RFPL3: variants seen among roughly 807,000 people sequenced by gnomAD.
The protein encoded by RFPL3 is ret finger protein like 3.
In RFPL3, 8 loss-of-function variants were observed where a neutral mutation model predicts 8.7. The observed-to-expected ratio is 0.92, with a 90% CI of 0.54 to 1.66. The LOEUF is 1.66. Among genes scored for constraint, RFPL3 ranks in the 40% most tolerant of loss-of-function variants. RFPL3 has a pLI of 0.00. For missense variants in RFPL3, 341 were observed against 395.0 expected, an observed-to-expected ratio of 0.86 and a Z score of 1.16; for synonymous variants, 145 against 150.5, an observed-to-expected ratio of 0.96 and a Z score of 0.27.
At chr22:32,357,824 G>A (rs1447248134), upstream of RFPL3, 301 of 1,378,674 alleles carry the variant, frequency 2.2e-4, 2 homozygotes, top group Admixed American at 2.7e-3. Flanking sequence ...TCCCCTAGGA[G>A]GTGGTGAAAT....
upstream of RFPL3, among the ~76,000 whole-genome samples, chr22:32,355,154 C>A (rs1932622938): frequency 6.6e-6 from 1 of 151,400 alleles, no homozygotes; most frequent in African/African-American, 2.4e-5. Flanking sequence ...AGGAAAACCT[C>A]TAGGCCTACT....
At chr22:32,355,205 A>G (rs1601403727), upstream of RFPL3, among the ~76,000 whole-genome samples, 3 of 152,234 alleles carry the variant, frequency 2.0e-5, no homozygotes, top group South Asian at 4.1e-4. Context: ...GGTTGTCCTA[A>G]GACTTGCTCT....
At chr22:32,355,101 T>C (rs1431029420), upstream of RFPL3, among the ~76,000 whole-genome samples, 2 of 151,918 alleles carry the variant, frequency 1.3e-5, no homozygotes, top group African/African-American at 4.8e-5. Flanking sequence ...TATATGAGAA[T>C]TTATGCAAAT....
rs563174542 is a variant in RFPL3, at chr22:32,359,732, C to G, written c.374-520C>G. Among the ~76,000 whole-genome samples the G allele has an allele frequency of 7.4e-4, 112 of 152,178 alleles. 2 individuals are homozygous for G. The highest frequency in any genetic ancestry group is 2.4e-4 in the Non-Finnish European group (16 of 68,032). ...CTTAGAGCCTCCTAATGTCCAGGAC[C>G]AGCATCTCTGTCATCACATTGTCAG... On this transcript the variant is annotated intron_variant, in intron 1 of 1. Transcript: ENST00000249007.
rs570851278 is a variant in RFPL3 at position 32,360,570 on chromosome 22, T to C, written c.692T>C (p.Val231Ala). Residue 231 changes from valine (V) to alanine (A), a missense_variant, in exon 2 of 2, where the codon GTG (valine) becomes GCG (alanine). Transcript: ENST00000249007. ...GGAAGCCGCCTCTCTGCCAGCACGG[T>C]GCCGCTGACTTTCCTCTTAGTAGAC... ...RDGSRLSAST[V>A]PLTFLLVDRK... 6.2e-7 allele frequency: 1 copy of C among 1,613,958 alleles called. No homozygotes were observed. Among genetic ancestry groups the C allele is most frequent in the Non-Finnish European group, 8.5e-7 (1 of 1,179,858 alleles).
At position 32,358,228 on chromosome 22, in the gene RFPL3, C is replaced by T. The variant is rs1569430674; in HGVS notation, c.157C>T (p.Leu53=). The T allele has an allele frequency of 1.9e-6, 3 of 1,614,000 alleles. No homozygotes were observed. The highest frequency in any genetic ancestry group is 2.5e-6 in the Non-Finnish European group (3 of 1,179,882). ...AGACTATCTGGAAAAACCAATGTCC[C>T]TGGAGTGTGGATGCACCGTCTGCCT... ...CSDYLEKPMS[L]ECGCTVCLKC... Residue 53 remains leucine, a synonymous_variant, in exon 1 of 2, where the codon CTG becomes TTG. Coordinates refer to ENST00000249007, the MANE Select transcript of RFPL3 (RefSeq NM_001098535.1).
Position 32,358,248 on chromosome 22 carries a change from C to G in RFPL3, c.177C>G (p.Val59=). The change falls in exon 1 of 2, where the codon GTC becomes GTG. Residue 59 remains valine, a synonymous_variant. Coordinates refer to ENST00000249007, the MANE Select transcript of RFPL3 (RefSeq NM_001098535.1). Reference sequence around the variant, plus strand: ...TGTCCCTGGAGTGTGGATGCACCGTCTGCCTCAAGTGCATCAATTCGCTGC... The same window carrying G: ...TGTCCCTGGAGTGTGGATGCACCGTGTGCCTCAAGTGCATCAATTCGCTGC... ...KPMSLECGCT[V]CLKCINSLQK... 1 of 1,613,984 alleles carries G rather than the reference C, an allele frequency of 6.2e-7. No homozygotes were observed. Among genetic ancestry groups the G allele is most frequent in the Non-Finnish European group, 8.5e-7 (1 of 1,179,868 alleles).
upstream of RFPL3, among the ~76,000 whole-genome samples, chr22:32,355,294 G>A (rs1357215099): frequency 6.6e-6 from 1 of 152,098 alleles, no homozygotes; most frequent in African/African-American, 2.4e-5. Context: ...AGAATATGTA[G>A]TCCAAGAACC....
At position 32,360,304 on chromosome 22, in the gene RFPL3, C is replaced by A; in HGVS notation, c.426C>A (p.Asp142Glu). 3 of 1,613,958 alleles carry A rather than the reference C, an allele frequency of 1.9e-6. No individual in the cohort carries two copies. The highest frequency in any genetic ancestry group is 4.5e-5 in the East Asian group (2 of 44,886). ...CCAACAACTTCCTCCTCATTTCTGA[C>A]GACCTCAGGAGCGTCCGAAGTGGGC... ...DTANNFLLIS[D>E]DLRSVRSGLI... Residue 142 changes from aspartate to glutamate, a missense_variant, in exon 2 of 2, where the codon GAC (aspartate) becomes GAA (glutamate). Asp to Glu is a conservative substitution (Grantham distance 45). Transcript: ENST00000249007.
rs776353522 is a variant in RFPL3 at position 32,360,262 on chromosome 22, C to T, written c.384C>T (p.Thr128=). 33 of 1,612,898 alleles carry T rather than the reference C, an allele frequency of 2.0e-5. No homozygotes were observed. Among genetic ancestry groups the T allele is most frequent in the Non-Finnish European group, 2.7e-5 (32 of 1,179,178 alleles). Residue 128 remains threonine (T), a synonymous_variant, in exon 2 of 2, where the codon ACC becomes ACT. Coordinates refer to ENST00000249007, the MANE Select transcript of RFPL3 (RefSeq NM_001098535.1). Reference sequence around the variant, plus strand: ...TTTTCCTTTTCACAGTGGATATGACCTTGGATGCCGACACAGCCAACAACT... The same window carrying T: ...TTTTCCTTTTCACAGTGGATATGACTTTGGATGCCGACACAGCCAACAACT... ...PRMRKFQVDM[T]LDADTANNFL...
chr22:32,355,455 A>C (rs1932632336), upstream of RFPL3, among the ~76,000 whole-genome samples: 1 of 152,002 alleles, frequency 6.6e-6, no homozygotes. Context: ...CTGGTTTTCC[A>C]CCCGAGACCC....
rs1159088120 is a variant in RFPL3 at position 32,360,458 on chromosome 22, C to G, written c.580C>G (p.Leu194Val). 6.2e-7 allele frequency: 1 copy of G among 1,613,796 alleles called. No homozygotes were observed. The highest frequency in any genetic ancestry group is 1.3e-5 in the African/African-American group (1 of 74,880). Residue 194 changes from leucine (L) to valine (V), a missense_variant, in exon 2 of 2, where the codon CTG becomes GTG. By Grantham distance (32) the Leu-to-Val change is conservative. Transcript: ENST00000249007. Reference sequence around the variant, plus strand: ...CGTGGGAACAAGCACAGAATGGGACCTGGGAGTCTGCAGAGAATCTGTTCA... The same window carrying G: ...CGTGGGAACAAGCACAGAATGGGACGTGGGAGTCTGCAGAGAATCTGTTCA... ...VDVGTSTEWD[L>V]GVCRESVHCK...
At chr22:32,356,280 C>T (rs1452550254), upstream of RFPL3, among the ~76,000 whole-genome samples, 1 of 152,060 alleles carries the variant, frequency 6.6e-6, no homozygotes, top group African/African-American at 2.4e-5. Flanking sequence ...GGGACAGCTT[C>T]ATCCAGGAAG....
chr22:32,359,951 AG>A (rs1182603250), intron 1 of RFPL3: 2 of 415,520 alleles, frequency 4.8e-6, no homozygotes, highest in Non-Finnish European at 8.5e-6. Context: ...GGTGGTAGAA[AG>A]GGGGGCATGG....
chr22:32,360,226 T>C, intron 1 of RFPL3, 26 bp from the exon 2 acceptor site: 2 of 1,596,010 alleles, frequency 1.3e-6, no homozygotes, highest in Non-Finnish European at 1.7e-6. Context: ...GTCCACTTGC[T>C]GAGCAACTTG....
At position 32,358,411 on chromosome 22, in the gene RFPL3, C is replaced by G. The variant is rs1388701553; in HGVS notation, c.340C>G (p.Leu114Val). Residue 114 changes from leucine (L) to valine (V), a missense_variant, in exon 1 of 2, where the codon CTA becomes GTA. By Grantham distance (32) the Leu-to-Val change is conservative (BLOSUM62 1). Coordinates refer to ENST00000249007, the MANE Select transcript of RFPL3 (RefSeq NM_001098535.1). ...ACTGGAGCCCAAGCTGAAGAAGATTCTACAGATGAACCCAAGGATGCGGAA... is the reference window on the plus strand; with the variant it reads ...ACTGGAGCCCAAGCTGAAGAAGATTGTACAGATGAACCCAAGGATGCGGAA... ...KELEPKLKKILQMNPRMRKFQ... is the reference protein window; with the variant it reads ...KELEPKLKKIVQMNPRMRKFQ... The G allele has an allele frequency of 1.5e-5, 25 of 1,614,046 alleles. No individual in the cohort carries two copies. Among genetic ancestry groups the G allele is most frequent in the Non-Finnish European group, 2.1e-5 (25 of 1,179,932 alleles).
intron 1 of RFPL3, among the ~76,000 whole-genome samples, chr22:32,358,843 G>A (rs1932748903): frequency 6.6e-6 from 1 of 152,190 alleles, no homozygotes; most frequent in Admixed American, 6.5e-5. Flanking sequence ...CTGACATTAA[G>A]ATGGGCCTGG....
At position 32,361,018 on chromosome 22, in the gene RFPL3, A is replaced by G. The variant is rs183465034; in HGVS notation, c.*186A>G. On this transcript the variant is annotated 3_prime_UTR_variant, in exon 2 of 2. Transcript: ENST00000249007. The stretch of plus-strand genomic sequence containing the variant: ...ATTATTGCCACCATCCAACTCATTG[A>G]GTCTTATGGTTCACATCTTGTTTCC... 22 of 517,206 alleles carry G rather than the reference A, an allele frequency of 4.3e-5. No homozygotes were observed. The highest frequency in any genetic ancestry group is 3.9e-4 in the African/African-American group (20 of 51,080). The allele number at this position is 517,206 out of a possible 1,614,324, so 32.0% of individuals were successfully genotyped here. A position where few individuals can be genotyped will look rare whatever the true frequency, so the allele number is the denominator to read the frequency against.
chr22:32,359,724 T>G (rs1932758499), intron 1 of RFPL3, among the ~76,000 whole-genome samples: 1 of 152,190 alleles, frequency 6.6e-6, no homozygotes, highest in Non-Finnish European at 1.5e-5. Flanking sequence ...CCTCCTAATG[T>G]CCAGGACCAG....
Sources: allele counts gnomAD v4.1 joint callset (sites outside exome capture counted in the v4.1 genomes callset), GRCh38; gene constraint gnomAD v4.1.1; transcripts MANE v1.5; gene names NCBI Gene and HGNC (gene_info 2026-07-23, HGNC 2026-07-21).